POU6F1: variants seen among roughly 807,000 people sequenced by gnomAD.
The protein encoded by POU6F1 is POU class 6 homeobox 1.
In POU6F1, 9 loss-of-function variants were observed where a neutral mutation model predicts 28.9. The ratio of observed to expected loss-of-function variants is 0.31; its 90% CI spans 0.19 to 0.54. The LOEUF is 0.54. Ranked by LOEUF, POU6F1 falls within the 20% of genes least tolerant of loss-of-function variation. The probability of loss-of-function intolerance (pLI) is 0.94; values close to 1 mark genes in which losing one functional copy is unlikely to be tolerated. For missense variants in POU6F1, 338 were observed against 426.1 expected (o/e 0.79, Z 1.82); for synonymous variants, 173 against 171.1 (o/e 1.01, Z -0.09).
At chr12:51,208,770 CTACAAAAAG>C (rs1157368194) in intron 1 of POU6F1, among the ~76,000 whole-genome samples, 2 of 152,156 alleles carry the variant, frequency 1.3e-5, no homozygotes, top group Admixed American at 6.6e-5. Flanking sequence ...AACCCCGTCT[CTACAAAAAG>C]TACAAAAAGT....
At chr12:51,204,152 G>T in intron 3 of POU6F1, 21 bp downstream of exon 3, 1 of 399,110 alleles carries the variant, frequency 2.5e-6, no homozygotes, top group Non-Finnish European at 4.4e-6. Flanking sequence ...GCAGTACCAG[G>T]TGGGGGTGAT....
intron 1 of POU6F1, among the ~76,000 whole-genome samples, chr12:51,208,226 G>A (rs886790611): frequency 6.6e-6 from 1 of 151,792 alleles, no homozygotes; most frequent in African/African-American, 2.4e-5. Flanking sequence ...GATCGCTTGA[G>A]CCTGGGAGGC....
chr12:51,216,111 A>G (rs1284026353), intron 1 of POU6F1, among the ~76,000 whole-genome samples: 1 of 152,206 alleles, frequency 6.6e-6, no homozygotes, highest in Non-Finnish European at 1.5e-5. Context: ...TGAGCTAAGG[A>G]GTTCGAGACC....
chr12:51,216,490 G>T (rs1944290856), intron 1 of POU6F1, among the ~76,000 whole-genome samples: 1 of 152,224 alleles, frequency 6.6e-6, no homozygotes, highest in Non-Finnish European at 1.5e-5. Flanking sequence ...TGTCTGAATT[G>T]TTCAGAGCAT....
At chr12:51,208,505 A>C (rs1943775567) in intron 1 of POU6F1, among the ~76,000 whole-genome samples, 1 of 152,200 alleles carries the variant, frequency 6.6e-6, no homozygotes, top group African/African-American at 2.4e-5. Flanking sequence ...ATGGTGAAAC[A>C]AAGCCCAGAG....
intron 1 of POU6F1, among the ~76,000 whole-genome samples, chr12:51,216,303 A>C (rs1944283320): frequency 6.6e-6 from 1 of 152,268 alleles, no homozygotes; most frequent in African/African-American, 2.4e-5. Flanking sequence ...TTACAGGAGC[A>C]AATTTTTTCT....
intron 3 of POU6F1, among the ~76,000 whole-genome samples, chr12:51,201,339 C>T (rs1943190414): frequency 6.6e-6 from 1 of 152,020 alleles, no homozygotes; most frequent in South Asian, 2.1e-4. Context: ...AACAAAATGA[C>T]AGGTTTATCT....
At position 51,188,422 on chromosome 12, in the gene POU6F1, C is replaced by CCACCTGCTTCCTCACCTCTGCTACACT. The variant is rs1942171729; in HGVS notation, c.*1798_*1824dup. ...TGAAAAGCTGGGTCAGGCAAGCTGC[C>CCACCTGCTTCCTCACCTCTGCTACACT]CACCTGCTTCCTCACCTCTGCTACA... is the stretch of plus-strand genomic sequence containing the variant. On this transcript the variant is annotated 3_prime_UTR_variant, in exon 11 of 11. Coordinates refer to ENST00000333640, the MANE Select transcript of POU6F1 (RefSeq NM_001330422.2). 1 of 152,276 alleles carries CCACCTGCTTCCTCACCTCTGCTACACT rather than the reference C, an allele frequency of 6.6e-6. No homozygotes were observed. 9.4% of individuals were successfully genotyped at this position (152,276 alleles called of 1,614,324 possible). A position where few individuals can be genotyped will look rare whatever the true frequency, so the allele number is the denominator to read the frequency against.
intron 8 of POU6F1, among the ~76,000 whole-genome samples, chr12:51,193,999 C>T (rs1227949699): frequency 6.6e-6 from 1 of 152,156 alleles, no homozygotes; most frequent in Non-Finnish European, 1.5e-5. Flanking sequence ...TGCCTCACCA[C>T]AGTCCAGTTC....
intron 3 of POU6F1, 64 bp downstream of exon 3, chr12:51,204,109 G>A: frequency 2.5e-6 from 1 of 398,926 alleles, no homozygotes; most frequent in Non-Finnish European, 4.4e-6. Flanking sequence ...TGGCTCCCCA[G>A]GGACCACAGG....
Position 51,199,087 on chromosome 12 carries a change from C to T in POU6F1, c.367-312G>A, listed in dbSNP as rs1010198535. On this transcript the variant is annotated intron_variant, in intron 4 of 10. Coordinates refer to ENST00000333640, the MANE Select transcript of POU6F1 (RefSeq NM_001330422.2). The surrounding 1 kb of genome is among the most constrained non-coding windows in gnomAD (Gnocchi z 4.1). Reference sequence around the variant, plus strand: ...TGCTGCCTGCCAGGCCTTCCGCGAGCCCTTGCTGACAGGCCCCGTGCTTAG... The same window carrying T: ...TGCTGCCTGCCAGGCCTTCCGCGAGTCCTTGCTGACAGGCCCCGTGCTTAG... Among the ~76,000 whole-genome samples the T allele has an allele frequency of 1.3e-5, 2 of 152,256 alleles. No homozygotes were observed. The highest frequency in any genetic ancestry group is 2.4e-5 in the African/African-American group (1 of 41,472).
chr12:51,196,160 A>G lies in POU6F1; in HGVS notation c.989T>C (p.Leu330Pro), dbSNP rs1393723785. The G allele has an allele frequency of 1.3e-6, 2 of 1,525,364 alleles. No homozygotes were observed. Among genetic ancestry groups the G allele is most frequent in the African/African-American group, 2.8e-5 (2 of 72,142 alleles). The allele number at this position is 1,525,364 out of a possible 1,614,324, so 94.5% of individuals were successfully genotyped here. Residue 330 changes from leucine (L) to proline (P), a missense_variant, in exon 8 of 11, where the codon CTT becomes CCT. Physicochemically the swap from Leu to Pro is moderately conservative, Grantham distance 98. This residue lies in a region of POU6F1 where 206 missense variants were observed against 225.6 expected (regional missense o/e 0.91). Coordinates refer to ENST00000333640, the MANE Select transcript of POU6F1 (RefSeq NM_001330422.2). ...TNAQGQVIGT[L>P]PWVVNSASVA... ...ACTAGCTGAGTTCACTACCCATGGA[A>G]GGGTTCCAATAACCTGGGAGGAAAT...
intron 3 of POU6F1, chr12:51,202,145 G>A (rs7976292): frequency 0.58 from 87,887 of 151,926 alleles, 26,840 homozygotes; most frequent in Middle Eastern, 0.7. Flanking sequence ...ACAGTCGTGA[G>A]CCACCATGCC....
chr12:51,191,527 T>G, intron 10 of POU6F1, 69 bp downstream of exon 10: 1 of 1,548,804 alleles, frequency 6.5e-7, no homozygotes, highest in East Asian at 2.3e-5. Context: ...GTGCTCAGGT[T>G]CCCATGAGTG....
Position 51,190,121 on chromosome 12 carries a change from A to C in POU6F1, c.*126T>G. The C allele has an allele frequency of 1.4e-6, 2 of 1,412,672 alleles. No homozygotes were observed. The highest frequency in any genetic ancestry group is 1.4e-5 in the South Asian group (1 of 70,730). 87.5% of individuals were successfully genotyped at this position (1,412,672 alleles called of 1,614,324 possible). A position where few individuals can be genotyped will look rare whatever the true frequency, so the allele number is the denominator to read the frequency against. On this transcript the variant is annotated 3_prime_UTR_variant, in exon 11 of 11. Transcript: ENST00000333640. The surrounding 1 kb of genome is among the most constrained non-coding windows in gnomAD (Gnocchi z 4.5). Reference sequence around the variant, plus strand: ...ACATTGATGCACATGCACACGGTGGAGTCTGATGACCTGGGGTGAGCACAG... The same window carrying C: ...ACATTGATGCACATGCACACGGTGGCGTCTGATGACCTGGGGTGAGCACAG...
intron 1 of POU6F1, among the ~76,000 whole-genome samples, chr12:51,208,608 T>C (rs1264551352): frequency 2.0e-5 from 3 of 152,012 alleles, no homozygotes; most frequent in African/African-American, 2.4e-5. Flanking sequence ...CCAAGGTGGA[T>C]AGTATTAAGA....
Position 51,196,993 on chromosome 12 carries a change from A to G in POU6F1, c.847-66T>C, listed in dbSNP as rs1942870783. On this transcript the variant is annotated intron_variant, in intron 6 of 10. Transcript: ENST00000333640. ...GAGAAGAACCCCGGGCAGAGGGAAG[A>G]GGACAGAGGGCATTGGGGTGGGTAG... The G allele has an allele frequency of 5.6e-6, 5 of 889,940 alleles. No individual in the cohort carries two copies. In the East Asian group the frequency reaches 1.3e-4, roughly 23 times the overall value. The allele number at this position is 889,940 out of a possible 1,614,324, so 55.1% of individuals were successfully genotyped here. A position where few individuals can be genotyped will look rare whatever the true frequency, so the allele number is the denominator to read the frequency against.
intron 1 of POU6F1, among the ~76,000 whole-genome samples, chr12:51,216,454 G>C (rs1479827101): frequency 1.3e-5 from 2 of 152,160 alleles, no homozygotes; most frequent in Non-Finnish European, 2.9e-5. Flanking sequence ...TCCACCCCCA[G>C]AATAAAAACT....
At chr12:51,206,715 G>A (rs1220322410) in intron 2 of POU6F1, 74 bp downstream of exon 2, 1 of 398,678 alleles carries the variant, frequency 2.5e-6, no homozygotes, top group East Asian at 3.6e-5. Context: ...GAAGGGCCCT[G>A]TGGAGTCCTC....
Sources: gnomAD v4.1 joint callset for allele counts (sites outside exome capture counted in the v4.1 genomes callset) on GRCh38, gnomAD v4.1.1 for gene constraint, gnomAD v4.1.1 regional missense constraint, Gnocchi (gnomAD v3.1) non-coding constraint, MANE v1.5 for transcripts, NCBI Gene and HGNC (gene_info 2026-07-23, HGNC 2026-07-21) for gene names.